The following TMCO5A variants were observed in gnomAD, a reference collection of about 807,000 sequenced individuals.
The protein encoded by TMCO5A is transmembrane and coiled-coil domain-containing protein 5A.
In TMCO5A, 34 loss-of-function variants were observed where a neutral mutation model predicts 42.3. That is an observed-to-expected ratio of 0.80 (90% CI 0.61 to 1.07). The LOEUF (loss-of-function observed/expected upper bound fraction) is 1.07, where lower values mean the gene tolerates loss of function less well. Ranked by LOEUF, TMCO5A falls within the 50% of genes least tolerant of loss-of-function variation. TMCO5A has a pLI of 0.00. For synonymous variants in TMCO5A, 131 were observed against 115.6 expected (o/e 1.13, Z -0.86); for missense variants, 357 against 327.9 (o/e 1.09, Z -0.69).
the TMCO5A span, among the ~76,000 whole-genome samples, chr15:37,976,219 T>C: frequency 1.3e-5 from 2 of 151,702 alleles, no homozygotes; most frequent in African/African-American, 4.9e-5. Flanking sequence ...CACTCCAGCC[T>C]GGGTGACAGA....
chr15:37,947,763 G>A (rs921673423), intron 11 of TMCO5A, 67 bp downstream of exon 11: 15 of 1,100,308 alleles, frequency 1.4e-5, no homozygotes, highest in Non-Finnish European at 2.1e-5. Flanking sequence ...TTCGGGCAGA[G>A]GGAAAAGTCT....
At chr15:37,959,861 C>T (rs901538451) in intron 11 of TMCO5A, among the ~76,000 whole-genome samples, 2 of 151,758 alleles carry the variant, frequency 1.3e-5, no homozygotes, top group African/African-American at 4.8e-5. Flanking sequence ...GAAAGAACAT[C>T]CAAATTGGAA....
chr15:37,992,922 A>C, the TMCO5A span, among the ~76,000 whole-genome samples: 1 of 152,198 alleles, frequency 6.6e-6, no homozygotes, highest in African/African-American at 2.4e-5. Context: ...CCTGGGTGAT[A>C]AAATAATCTG....
the TMCO5A span, among the ~76,000 whole-genome samples, chr15:37,976,397 C>T: frequency 6.6e-6 from 1 of 152,030 alleles, no homozygotes; most frequent in Admixed American, 6.5e-5. Flanking sequence ...GGATAGTCAT[C>T]TTGTACAGTA....
the TMCO5A span, among the ~76,000 whole-genome samples, chr15:38,021,543 A>G: frequency 6.6e-6 from 1 of 152,092 alleles, no homozygotes; most frequent in Non-Finnish European, 1.5e-5. Context: ...GGCCAGAGCT[A>G]ACAGTCAGGG....
At chr15:37,945,076 T>C in intron 10 of TMCO5A, among the ~76,000 whole-genome samples, 3 of 152,240 alleles carry the variant, frequency 2.0e-5, no homozygotes, top group Non-Finnish European at 4.4e-5. Flanking sequence ...CCTGCATGTG[T>C]CCATGTGTTC....
the TMCO5A span, among the ~76,000 whole-genome samples, chr15:37,991,053 T>C: frequency 3.9e-5 from 6 of 152,160 alleles, no homozygotes; most frequent in Admixed American, 3.3e-4. Flanking sequence ...AAAGTTTCCA[T>C]AATACTAGCT....
At chr15:37,990,434 C>G in the TMCO5A span, among the ~76,000 whole-genome samples, 1 of 152,112 alleles carries the variant, frequency 6.6e-6, no homozygotes, top group Non-Finnish European at 1.5e-5. Flanking sequence ...CACTCCCACT[C>G]TCTTGTGGTT....
At position 37,937,373 on chromosome 15, in the gene TMCO5A, A is replaced by G. The variant is rs960243645; in HGVS notation, c.292A>G (p.Ser98Gly). 19 of 1,613,162 alleles carry G rather than the reference A, an allele frequency of 1.2e-5. No individual in the cohort carries two copies. The highest frequency in any genetic ancestry group is 1.4e-5 in the Non-Finnish European group (17 of 1,179,388). Residue 98 changes from serine to glycine, a missense_variant, in exon 5 of 12, where the codon AGT becomes GGT. Physicochemically the swap from Ser to Gly is moderately conservative, Grantham distance 56. Transcript: ENST00000319669. The part of the protein sequence containing the change: ...LERKNKTLVH[S>G]ITELQQKLTR... ...AAGGAAGAATAAGACGTTGGTCCAC[A>G]GTATAACAGAACTTCAACAAAAGGT... is the stretch of plus-strand genomic sequence containing the variant.
chr15:37,999,316 A>T, the TMCO5A span, among the ~76,000 whole-genome samples: 2 of 152,180 alleles, frequency 1.3e-5, no homozygotes, highest in African/African-American at 4.8e-5. Flanking sequence ...TGCTTTCTCG[A>T]TTTCCTTTTC....
downstream of TMCO5A, among the ~76,000 whole-genome samples, chr15:37,972,672 T>A (rs1595616155): frequency 6.6e-6 from 1 of 152,238 alleles, no homozygotes; most frequent in Admixed American, 6.5e-5. Flanking sequence ...TTATAGATTC[T>A]GGATATTCGA....
chr15:37,945,574 G>C (rs188908207), intron 10 of TMCO5A, among the ~76,000 whole-genome samples: 1 of 152,094 alleles, frequency 6.6e-6, no homozygotes, highest in East Asian at 1.9e-4. Flanking sequence ...AATTCTACTG[G>C]TGTCAGATGG....
chr15:37,954,734 TAAC>T (rs1890242487), downstream of TMCO5A, among the ~76,000 whole-genome samples: 1 of 151,964 alleles, frequency 6.6e-6, no homozygotes, highest in Admixed American at 6.6e-5. Context: ...ATAATAACTA[TAAC>T]AACTTTTCAA....
chr15:37,949,708 TAA>T (rs531569662), intron 11 of TMCO5A, among the ~76,000 whole-genome samples: 2 of 144,322 alleles, frequency 1.4e-5, no homozygotes, highest in African/African-American at 5.0e-5. Context: ...ATGTAAATGC[TAA>T]AAAAAAAAAA....
chr15:37,970,141 A>T (rs528981334), downstream of TMCO5A, among the ~76,000 whole-genome samples: 26 of 152,178 alleles, frequency 1.7e-4, no homozygotes, highest in Non-Finnish European at 3.2e-4. Flanking sequence ...AGTCTGTATT[A>T]TTCTGTTTTC....
intron 5 of TMCO5A, 85 bp from the exon 6 acceptor site, chr15:37,938,073 C>T (rs1889589057): frequency 2.6e-6 from 3 of 1,133,076 alleles, no homozygotes; most frequent in Non-Finnish European, 3.9e-6. Context: ...TTTATAAAGG[C>T]CATAGTTACT....
At chr15:38,011,126 A>T in the TMCO5A span, among the ~76,000 whole-genome samples, 3 of 152,212 alleles carry the variant, frequency 2.0e-5, no homozygotes, top group Non-Finnish European at 4.4e-5. Context: ...TCTGTGGGTC[A>T]GGAACCTGGG....
chr15:37,952,997 A>G (rs1752090075), downstream of TMCO5A, among the ~76,000 whole-genome samples: 1 of 152,190 alleles, frequency 6.6e-6, no homozygotes, highest in African/African-American at 2.4e-5. Context: ...AGGGGAGGGA[A>G]GAATGGGAAG....
intron 11 of TMCO5A, among the ~76,000 whole-genome samples, chr15:37,959,089 G>A (rs1890361030): frequency 6.6e-6 from 1 of 151,740 alleles, no homozygotes. Context: ...GGACACAGAG[G>A]GGAACATCAC....
Sources: gnomAD v4.1 joint callset for allele counts (sites outside exome capture counted in the v4.1 genomes callset) on GRCh38, gnomAD v4.1.1 for gene constraint, MANE v1.5 for transcripts, NCBI Gene and HGNC (gene_info 2026-07-23, HGNC 2026-07-21) for gene names.